RBM41: variants seen among roughly 807,000 people sequenced by gnomAD.
RBM41 encodes RNA binding motif protein 41, also known as RNA-binding protein 41.
Under a neutral mutation model 30.8 loss-of-function variants are expected in RBM41, and 14 were observed. The ratio of observed to expected loss-of-function variants is 0.45; its 90% CI spans 0.30 to 0.71. The LOEUF is 0.71. RBM41 is among the 30% of genes least tolerant of loss of function. RBM41 has a pLI of 0.08. For synonymous variants in RBM41, 120 were observed against 110.1 expected (o/e 1.09, Z -0.56); for missense variants, 276 against 326.3 (o/e 0.85, Z 1.19).
chrX:107,079,873 A>G (rs1191388985), intron 6 of RBM41, among the ~76,000 whole-genome samples: 1 of 111,937 alleles, frequency 8.9e-6, no homozygotes, highest in Non-Finnish European at 1.9e-5. Context: ...GAAATCATAC[A>G]ATATGCAGTC....
the RBM41 span, among the ~76,000 whole-genome samples, chrX:107,056,580 TTTTC>T: frequency 8.9e-6 from 1 of 111,825 alleles, no homozygotes; most frequent in East Asian, 2.8e-4. Context: ...TATTCAGATT[TTTTC>T]TTTGTGCGTC....
At chrX:107,060,843 AAAG>A (rs745650472), downstream of RBM41, among the ~76,000 whole-genome samples, 489 of 111,678 alleles carry the variant, frequency 4.4e-3, 3 homozygotes, top group Non-Finnish European at 5.9e-3. Flanking sequence ...ACTTTACAGT[AAAG>A]AAATCCAGCA....
At chrX:107,104,271 A>C (rs2147703541) in intron 5 of RBM41, among the ~76,000 whole-genome samples, 1 of 111,746 alleles carries the variant, frequency 8.9e-6, no homozygotes, top group East Asian at 2.8e-4. Flanking sequence ...ATGCTGAAGT[A>C]TTTCGGGGGA....
rs747212921 is a variant in RBM41 at position 107,115,960 on chromosome X, T to C, written c.220A>G (p.Thr74Ala). ...AGTMTLSQFQ[T>A]LHEKDQETAS... ...GTTTCCTGGTCCTTCTCATGCAGTG[T>C]CTGGAATTGGGACAAAGTCATAGTC... The change falls in exon 3 of 8, where the codon ACA becomes GCA. Residue 74 changes from threonine (T) to alanine (A), a missense_variant. Physicochemically the swap from Thr to Ala is moderately conservative, Grantham distance 58. Transcript: ENST00000685964. 2.5e-6 allele frequency: 3 copies of C among 1,209,131 alleles called. No homozygotes were observed. The highest frequency in any genetic ancestry group is 3.5e-5 in the African/African-American group (2 of 57,358).
rs1378315416 is a variant in RBM41 at position 107,081,940 on chromosome X, C to T, written c.999+6496G>A. Among the ~76,000 whole-genome samples the T allele has an allele frequency of 2.7e-5, 3 of 112,138 alleles. No homozygotes were observed. The East Asian group carries it at 8.4e-4, about 31-fold the overall frequency. On this transcript the variant is annotated intron_variant, in intron 6 of 7. Transcript: ENST00000685964. ...GGCTGATTCTTTGGGATTTTCTACA[C>T]AGACATACGTGTTACTTGTGAACAA...
intron 6 of RBM41, among the ~76,000 whole-genome samples, chrX:107,085,578 C>T (rs5916776): frequency 1.1e-3 from 120 of 111,515 alleles, no homozygotes; most frequent in Non-Finnish European, 1.8e-3. Flanking sequence ...TTCACCAATA[C>T]TTGGCATTGT....
chrX:107,078,162 T>C (rs1417987462), intron 6 of RBM41, among the ~76,000 whole-genome samples: 1 of 111,790 alleles, frequency 8.9e-6, no homozygotes, highest in Non-Finnish European at 1.9e-5. Context: ...TCAATATGAT[T>C]CATCAATATG....
chrX:107,114,474 A>G (rs1407066863), intron 4 of RBM41: 1 of 111,796 alleles, frequency 8.9e-6, no homozygotes, highest in Non-Finnish European at 1.9e-5. Context: ...ACCTTGTCTC[A>G]CATCTCCTCC....
At chrX:107,072,687 A>G (rs945470444) in intron 6 of RBM41, among the ~76,000 whole-genome samples, 1 of 111,699 alleles carries the variant, frequency 9.0e-6, no homozygotes, top group African/African-American at 3.2e-5. Flanking sequence ...AAGCCACAGC[A>G]ATCCTGAACA....
chrX:107,085,552 C>A (rs925267782), intron 6 of RBM41, among the ~76,000 whole-genome samples: 1 of 111,350 alleles, frequency 9.0e-6, no homozygotes, highest in African/African-American at 3.3e-5. Flanking sequence ...ACATAGAGTT[C>A]TTATTGTTTC....
chrX:107,116,075 G>T, intron 2 of RBM41, 21 bp from the exon 3 acceptor site: 1 of 1,129,134 alleles, frequency 8.9e-7, no homozygotes, highest in Non-Finnish European at 1.2e-6. Flanking sequence ...TGCAGGAGGA[G>T]AGTAAGAACA....
chrX:107,075,712 C>A (rs1325630062), intron 6 of RBM41, among the ~76,000 whole-genome samples: 1 of 110,455 alleles, frequency 9.1e-6, no homozygotes, highest in Non-Finnish European at 1.9e-5. Context: ...TGGCCATTAT[C>A]AAAAAAAACA....
intron 6 of RBM41, among the ~76,000 whole-genome samples, chrX:107,076,091 G>A (rs1197524211): frequency 9.1e-6 from 1 of 110,478 alleles, no homozygotes. Flanking sequence ...GCTGAAGCAG[G>A]CAGATCATGA....
In RBM41 at chrX:107,069,621, AT is replaced by A. The variant is rs747200548; in HGVS notation, c.1000-220del. On this transcript the variant is annotated intron_variant, in intron 6 of 7. Coordinates refer to ENST00000685964, the MANE Select transcript of RBM41 (RefSeq NM_001324242.2). ...AGTCATGTGCCACCACACCTGGCTA[AT>A]TTTTGTATTTTTAGTAGACGTGGGG... The A allele has an allele frequency of 2.3e-3, 645 of 274,710 alleles. 1 individual carries two copies. The highest frequency in any genetic ancestry group is 3.7e-3 in the Non-Finnish European group (592 of 161,502). The allele number at this position is 274,710 out of a possible 1,213,427, so 22.6% of individuals were successfully genotyped here. A position where few individuals can be genotyped will look rare whatever the true frequency, so the allele number is the denominator to read the frequency against.
intron 4 of RBM41, 64 bp from the exon 5 acceptor site, chrX:107,113,532 C>A: frequency 3.1e-6 from 3 of 975,161 alleles, no homozygotes; most frequent in Non-Finnish European, 4.0e-6. Context: ...AAACCACCCA[C>A]CCTCCACCCC....
intron 6 of RBM41, among the ~76,000 whole-genome samples, chrX:107,086,154 A>ATTAGGCTGGCAAAATAATACTCCAAAGT (rs1197283156): frequency 4.5e-5 from 5 of 111,964 alleles, no homozygotes; most frequent in African/African-American, 1.6e-4. Context: ...TTTCAAGCTG[A>ATTAGGCTGGCAAAATAATACTCCAAAGT]TTAGGCTGGC....
chrX:107,094,624 A>C (rs1006603502), intron 5 of RBM41, among the ~76,000 whole-genome samples: 1 of 111,963 alleles, frequency 8.9e-6, no homozygotes, highest in African/African-American at 3.2e-5. Flanking sequence ...TATACTGCAG[A>C]GGGGAATTTG....
intron 6 of RBM41, among the ~76,000 whole-genome samples, chrX:107,073,533 G>A (rs1361167679): frequency 1.8e-5 from 2 of 111,884 alleles, no homozygotes; most frequent in African/African-American, 6.5e-5. Flanking sequence ...ATTACAGACT[G>A]TTGGTGGGAC....
At chrX:107,108,048 A>G (rs1450841462) in intron 5 of RBM41, among the ~76,000 whole-genome samples, 1 of 111,770 alleles carries the variant, frequency 8.9e-6, no homozygotes, top group African/African-American at 3.2e-5. Flanking sequence ...CACTTAATAA[A>G]CCAATAAATC....
Sources: allele counts gnomAD v4.1 joint callset (sites outside exome capture counted in the v4.1 genomes callset), GRCh38; gene constraint gnomAD v4.1.1; transcripts MANE v1.5; gene names NCBI Gene and HGNC (gene_info 2026-07-23, HGNC 2026-07-21).